PCDHA11: variants seen among roughly 807,000 people sequenced by gnomAD.
PCDHA11 encodes protocadherin alpha 11.
A neutral mutation model predicts 70.3 loss-of-function variants in PCDHA11; 61 were observed. The ratio of observed to expected loss-of-function variants is 0.87; its 90% confidence interval spans 0.71 to 1.07. The LOEUF is 1.07. Ranked by LOEUF, PCDHA11 falls within the 50% of genes least tolerant of loss-of-function variation. PCDHA11 has a pLI of 0.00. For synonymous variants in PCDHA11, 633 were observed against 555.1 expected (o/e 1.14, Z -1.97); for missense variants, 1,324 against 1,237.5 (o/e 1.07, Z -1.05).
chr5:140,928,585 G>T, intron 1 of PCDHA11: 1 of 1,614,194 alleles, frequency 6.2e-7, no homozygotes, highest in Non-Finnish European at 8.5e-7. Context: ...AAATGGTTCT[G>T]TCCCAGTGGA....
At position 140,869,505 on chromosome 5, in the gene PCDHA11, G is replaced by A. The variant is rs376431150; in HGVS notation, c.402G>A (p.Ser134=). Residue 134 remains serine, a synonymous_variant, in exon 1 of 4, where the codon TCG becomes TCA. Coordinates refer to ENST00000398640, the MANE Select transcript of PCDHA11 (RefSeq NM_018902.5). The part of the protein sequence containing the change: ...KDINDNPPVF[S]LREQKLLIAE... ...TTAACGACAACCCGCCGGTGTTCTCGCTCAGAGAACAAAAGCTGCTGATTG... is the reference window on the plus strand; with the variant it reads ...TTAACGACAACCCGCCGGTGTTCTCACTCAGAGAACAAAAGCTGCTGATTG... 89 of 1,614,192 alleles carry A rather than the reference G, an allele frequency of 5.5e-5. No individual in the cohort carries two copies. In the African/African-American group the frequency reaches 1.1e-3, roughly 19 times the overall value.
At chr5:140,879,257 G>A (rs782639090) in intron 1 of PCDHA11, among the ~76,000 whole-genome samples, 3 of 152,202 alleles carry the variant, frequency 2.0e-5, no homozygotes, top group Non-Finnish European at 4.4e-5. Flanking sequence ...AGTAGAAGCA[G>A]CCAGATAATG....
chr5:140,939,388 A>C, intron 1 of PCDHA11, among the ~76,000 whole-genome samples: 1 of 152,232 alleles, frequency 6.6e-6, no homozygotes, highest in East Asian at 1.9e-4. Context: ...CATTCAGATC[A>C]TAGCAAGTTT....
intron 1 of PCDHA11, among the ~76,000 whole-genome samples, chr5:140,897,315 T>C (rs980857290): frequency 6.8e-6 from 1 of 147,686 alleles, no homozygotes; most frequent in Non-Finnish European, 1.5e-5. Context: ...GTATATCTCC[T>C]AAAGCTATCC....
At chr5:140,979,078 A>G (rs2240296) in intron 2 of PCDHA11, 71 bp downstream of exon 2, 2 of 1,583,496 alleles carry the variant, frequency 1.3e-6, no homozygotes, top group East Asian at 4.5e-5. Flanking sequence ...CTGCATCTCC[A>G]TAGGCCAGAA....
chr5:140,918,006 TG>T (rs1358735901), intron 1 of PCDHA11, among the ~76,000 whole-genome samples: 6 of 152,208 alleles, frequency 3.9e-5, no homozygotes, highest in Non-Finnish European at 7.3e-5. Flanking sequence ...TTAACAATGT[TG>T]TTTCTTCCTA....
chr5:141,000,639 G>T (rs1375900945), intron 3 of PCDHA11, among the ~76,000 whole-genome samples: 1 of 151,186 alleles, frequency 6.6e-6, no homozygotes, highest in Non-Finnish European at 1.5e-5. Context: ...TGTTGGGCAG[G>T]CTGGTCTCGA....
chr5:140,941,202 C>CCTTCCTTTCTTTCTTTCTTT lies in PCDHA11; in HGVS notation c.2392-37744_2392-37743insCCTTTCTTTCTTTCTTTCTT, dbSNP rs1554213920. 2.0e-4 allele frequency among the ~76,000 whole-genome samples: 24 copies of CCTTCCTTTCTTTCTTTCTTT among 122,828 alleles called. 1 individual carries two copies. Among genetic ancestry groups the CCTTCCTTTCTTTCTTTCTTT allele is most frequent in the Non-Finnish European group, 2.3e-4 (13 of 55,838 alleles). The allele number at this position is 122,828 out of a possible 152,430, so 80.6% of individuals were successfully genotyped here. A position where few individuals can be genotyped will look rare whatever the true frequency, so the allele number is the denominator to read the frequency against. ...TCCTGCTTCTTTTTTTTTCTTTCTTCCTTTCTTTCTTCCTTTCTTTCTTTC... is the reference window on the plus strand; with the variant it reads ...TCCTGCTTCTTTTTTTTTCTTTCTTCCTTCCTTTCTTTCTTTCTTTCTTTCTTTCTTCCTTTCTTTCTTTC... On this transcript the variant is annotated intron_variant, in intron 1 of 3. Coordinates refer to ENST00000398640, the MANE Select transcript of PCDHA11 (RefSeq NM_018902.5).
At chr5:140,966,838 G>A in intron 1 of PCDHA11, 1 of 1,566,774 alleles carries the variant, frequency 6.4e-7, no homozygotes, top group South Asian at 1.2e-5. Context: ...CCTGGCTGCT[G>A]CTACTGCCTC....
At chr5:140,947,998 T>C (rs2094201986) in intron 1 of PCDHA11, among the ~76,000 whole-genome samples, 1 of 122,112 alleles carries the variant, frequency 8.2e-6, no homozygotes, top group Admixed American at 8.2e-5. Flanking sequence ...AAATACTTTA[T>C]TAAATTTAGG....
chr5:140,942,206 T>G (rs916002360), intron 1 of PCDHA11, among the ~76,000 whole-genome samples: 1 of 152,152 alleles, frequency 6.6e-6, no homozygotes, highest in African/African-American at 2.4e-5. Context: ...TTTTTGAGCA[T>G]AAGATATTTA....
At chr5:140,955,187 T>C (rs1230644276) in intron 1 of PCDHA11, among the ~76,000 whole-genome samples, 1 of 152,198 alleles carries the variant, frequency 6.6e-6, no homozygotes, top group Non-Finnish European at 1.5e-5. Flanking sequence ...TTTTGTGGTG[T>C]ATATGAAGTC....
chr5:140,884,312 G>T, intron 1 of PCDHA11: 1 of 1,613,768 alleles, frequency 6.2e-7, no homozygotes, highest in Non-Finnish European at 8.5e-7. Flanking sequence ...TTCGTCGAGG[G>T]CGTCGGCAGG....
At chr5:140,997,673 TG>T (rs1554255971) in intron 3 of PCDHA11, among the ~76,000 whole-genome samples, 41 of 149,136 alleles carry the variant, frequency 2.7e-4, no homozygotes, top group African/African-American at 9.9e-4. Context: ...ACAGCTTGTG[TG>T]TGTGTGTGTG....
chr5:140,971,203 T>A (rs1586466173), intron 1 of PCDHA11, among the ~76,000 whole-genome samples: 2 of 152,308 alleles, frequency 1.3e-5, no homozygotes, highest in Middle Eastern at 6.8e-3. Context: ...GGAAAGACAC[T>A]GTTACCCTCC....
chr5:140,987,398 A>G (rs935672912), intron 3 of PCDHA11, among the ~76,000 whole-genome samples: 4 of 152,140 alleles, frequency 2.6e-5, no homozygotes, highest in African/African-American at 9.7e-5. Context: ...CAAGGAAGCC[A>G]TCTGTTTATG....
intron 1 of PCDHA11, among the ~76,000 whole-genome samples, chr5:140,909,839 C>A (rs2074714040): frequency 1.3e-5 from 2 of 152,146 alleles, no homozygotes; most frequent in Admixed American, 6.5e-5. Context: ...GGAGGACCAC[C>A]AGGACGTTTT....
At chr5:140,883,927 G>A (rs781895204) in intron 1 of PCDHA11, 2 of 1,613,456 alleles carry the variant, frequency 1.2e-6, no homozygotes, top group South Asian at 1.1e-5. Flanking sequence ...CGCTGCAGGT[G>A]TTCGTGCTGG....
At chr5:141,006,073 T>G (rs2098254106) in intron 3 of PCDHA11, among the ~76,000 whole-genome samples, 1 of 151,712 alleles carries the variant, frequency 6.6e-6, no homozygotes, top group Non-Finnish European at 1.5e-5. Context: ...AAAAATCAGA[T>G]TATTGAAGGG....
Sources: allele counts gnomAD v4.1 joint callset (sites outside exome capture counted in the v4.1 genomes callset), GRCh38; gene constraint gnomAD v4.1.1; transcripts MANE v1.5; gene names NCBI Gene and HGNC (gene_info 2026-07-23, HGNC 2026-07-21).